Variants in GPC6 observed in about 807,000 individuals in gnomAD.
The protein encoded by GPC6 is glypican 6.
GPC6 carries 14 observed loss-of-function variants against 55.2 expected under a neutral mutation model. The observed-to-expected ratio is 0.25, with a 90% CI of 0.17 to 0.40. The LOEUF (loss-of-function observed/expected upper bound fraction) is 0.40. Among genes scored for constraint, GPC6 ranks in the 10% least tolerant of loss-of-function variants. The probability of loss-of-function intolerance (pLI) is 1.00; values close to 1 mark genes in which losing one functional copy is unlikely to be tolerated. For synonymous variants in GPC6, 278 were observed against 259.6 expected (o/e 1.07, Z -0.68); for missense variants, 641 against 708.5 (o/e 0.90, Z 1.08).
At chr13:93,455,814 A>G (rs543723780) in intron 1 of GPC6, among the ~76,000 whole-genome samples, 6 of 152,160 alleles carry the variant, frequency 3.9e-5, no homozygotes, top group African/African-American at 1.2e-4. Flanking sequence ...GACCCCTAGT[A>G]CTCTGTGCAG....
chr13:94,009,519 T>C (rs1166722461), intron 3 of GPC6, among the ~76,000 whole-genome samples: 1 of 152,182 alleles, frequency 6.6e-6, no homozygotes, highest in African/African-American at 2.4e-5. Flanking sequence ...ACGTCCTTTT[T>C]GTGACTTGTA....
chr13:93,556,798 A>T (rs1372805556), intron 2 of GPC6, among the ~76,000 whole-genome samples: 3 of 152,162 alleles, frequency 2.0e-5, no homozygotes, highest in African/African-American at 7.2e-5. Flanking sequence ...GAATGAGAAC[A>T]TATGATGTTT....
At chr13:93,244,199 A>G (rs369850514) in intron 1 of GPC6, among the ~76,000 whole-genome samples, 14 of 152,282 alleles carry the variant, frequency 9.2e-5, no homozygotes, top group African/African-American at 3.4e-4. Flanking sequence ...GCAGGTGGCA[A>G]TGAGACCCAC....
Position 93,635,228 on chromosome 13 carries a change from G to A in GPC6, c.319+89807G>A, listed in dbSNP as rs548489146. The stretch of plus-strand genomic sequence containing the variant: ...GGAAGCCATTTAAAACTACCAATTT[G>A]TAGGAACAGTCTTATTTTATGAGAA... On this transcript the variant is annotated intron_variant, in intron 2 of 8. Transcript: ENST00000377047. 1.2e-3 allele frequency among the ~76,000 whole-genome samples: 179 copies of A among 151,580 alleles called. 3 individuals are homozygous for A. The highest frequency in any genetic ancestry group is 3.4e-3 in the Middle Eastern group (1 of 292).
At chr13:94,252,261 C>T (rs1197184887) in intron 4 of GPC6, among the ~76,000 whole-genome samples, 1 of 152,074 alleles carries the variant, frequency 6.6e-6, no homozygotes, top group African/African-American at 2.4e-5. Context: ...GTGAATGTGT[C>T]CTTTATGAGT....
intron 4 of GPC6, among the ~76,000 whole-genome samples, chr13:94,171,598 T>TTTCATG (rs761192703): frequency 2.0e-5 from 3 of 152,186 alleles, no homozygotes; most frequent in Non-Finnish European, 2.9e-5. Flanking sequence ...AATTCCAAAG[T>TTTCATG]ATATTCATGA....
chr13:94,268,907 G>T (rs9634636), intron 4 of GPC6, among the ~76,000 whole-genome samples: 1 of 152,068 alleles, frequency 6.6e-6, no homozygotes, highest in Non-Finnish European at 1.5e-5. Context: ...ACATTTTAAC[G>T]TACTTACTAG....
chr13:93,216,815 C>T, the GPC6 span, among the ~76,000 whole-genome samples: 1 of 152,178 alleles, frequency 6.6e-6, no homozygotes, highest in African/African-American at 2.4e-5. Context: ...ACAAAATTTT[C>T]TCCTACTGAG....
At chr13:93,651,811 T>G (rs931070632) in intron 2 of GPC6, among the ~76,000 whole-genome samples, 1 of 152,118 alleles carries the variant, frequency 6.6e-6, no homozygotes, top group African/African-American at 2.4e-5. Flanking sequence ...TTCTCAAACC[T>G]GGCTGCACAT....
intron 3 of GPC6, among the ~76,000 whole-genome samples, chr13:93,857,363 T>A (rs996487068): frequency 1.3e-5 from 2 of 151,592 alleles, no homozygotes; most frequent in African/African-American, 4.8e-5. Context: ...CCATTGTGAA[T>A]TCTATAGATA....
rs150565571 is a variant in GPC6, at chr13:94,013,119, A to G, written c.712-14610A>G. ...AAATGATGTGTTCGACTGGGTAAAC[A>G]TATTAGAAAGCTGTCTGAAATATGT... On this transcript the variant is annotated intron_variant, in intron 3 of 8. Coordinates refer to ENST00000377047, the MANE Select transcript of GPC6 (RefSeq NM_005708.5). Among the ~76,000 whole-genome samples the G allele has an allele frequency of 1.4e-3, 209 of 152,290 alleles. 2 individuals carry two copies. The highest frequency in any genetic ancestry group is 5.0e-3 in the African/African-American group (206 of 41,540).
intron 1 of GPC6, among the ~76,000 whole-genome samples, chr13:93,231,909 T>A (rs1238134392): frequency 1.3e-5 from 2 of 152,184 alleles, no homozygotes; most frequent in African/African-American, 4.8e-5. Context: ...TCTTCATCTA[T>A]TTGATATTAA....
intron 2 of GPC6, among the ~76,000 whole-genome samples, chr13:93,678,931 T>C (rs537952804): frequency 6.2e-4 from 94 of 152,290 alleles, no homozygotes; most frequent in African/African-American, 2.2e-3. Context: ...TATGAGCATC[T>C]CTACACTGTC....
At chr13:93,370,848 C>G (rs773470444) in intron 1 of GPC6, among the ~76,000 whole-genome samples, 1 of 152,102 alleles carries the variant, frequency 6.6e-6, no homozygotes, top group Non-Finnish European at 1.5e-5. Context: ...TGTAATTCCT[C>G]CTTTAGAAAA....
intron 1 of GPC6, among the ~76,000 whole-genome samples, chr13:93,474,025 A>T (rs1296613401): frequency 6.6e-6 from 1 of 152,184 alleles, no homozygotes; most frequent in Non-Finnish European, 1.5e-5. Flanking sequence ...TGCAGCCAGC[A>T]CCATGGCAGC....
At chr13:93,613,269 A>G (rs1878563548) in intron 2 of GPC6, among the ~76,000 whole-genome samples, 1 of 152,142 alleles carries the variant, frequency 6.6e-6, no homozygotes, top group East Asian at 1.9e-4. Flanking sequence ...CAACAATAAT[A>G]ATCAGATTTT....
chr13:93,721,781 T>C (rs920905703), intron 2 of GPC6, among the ~76,000 whole-genome samples: 3 of 151,846 alleles, frequency 2.0e-5, no homozygotes, highest in African/African-American at 4.8e-5. Context: ...CTTAATAGTA[T>C]ACATGTATGT....
intron 3 of GPC6, among the ~76,000 whole-genome samples, chr13:93,861,407 TAAA>T (rs34697552): frequency 1.4e-5 from 2 of 142,194 alleles, no homozygotes; most frequent in Non-Finnish European, 3.1e-5. Context: ...GTTGTATATG[TAAA>T]AAAAAAAAAA....
In GPC6 at chr13:94,064,180, G is replaced by A. The variant is rs888275336; in HGVS notation, c.877+36286G>A. Among the ~76,000 whole-genome samples, 6 of 152,148 alleles carry A rather than the reference G, an allele frequency of 3.9e-5. No individual in the cohort carries two copies. In the South Asian group the frequency reaches 1.0e-3, roughly 26 times the overall value. On this transcript the variant is annotated intron_variant, in intron 4 of 8. Transcript: ENST00000377047. Reference sequence around the variant, plus strand: ...TTATGACATATGTAAATGAGGAGGTGGTACTAAATTATCTCCAAAATGTTT... The same window carrying A: ...TTATGACATATGTAAATGAGGAGGTAGTACTAAATTATCTCCAAAATGTTT...
Sources: allele counts gnomAD v4.1 joint callset (sites outside exome capture counted in the v4.1 genomes callset), GRCh38; gene constraint gnomAD v4.1.1; transcripts MANE v1.5; gene names NCBI Gene and HGNC (gene_info 2026-07-23, HGNC 2026-07-21).